The following PCNT variants were observed in gnomAD, a reference collection of about 807,000 sequenced individuals.
PCNT encodes kendrin.
In PCNT, 319 loss-of-function variants were observed where a neutral mutation model predicts 380.4. The ratio of observed to expected loss-of-function variants is 0.84; its 90% CI spans 0.77 to 0.92. The LOEUF (loss-of-function observed/expected upper bound fraction) is 0.92. PCNT is among the 40% of genes least tolerant of loss of function. The pLI, the probability that PCNT is intolerant of heterozygous loss-of-function variation, is 0.00. For missense variants in PCNT, 4,400 were observed against 4,255.3 expected, an observed-to-expected ratio of 1.03 and a Z score of -0.95; for synonymous variants, 1,845 against 1,735.2, an observed-to-expected ratio of 1.06 and a Z score of -1.57.
Position 46,432,235 on chromosome 21 carries a change from G to A in PCNT, c.8751+20G>A, listed in dbSNP as rs775462316. 13 of 1,593,020 alleles carry A rather than the reference G, an allele frequency of 8.2e-6. No individual in the cohort carries two copies. In the South Asian group the frequency reaches 1.0e-4, roughly 12 times the overall value. ...AAGCTGGTGAGAGCCGCCTGCCGGC[G>A]GAGCGTCCACACCTAAAAACGATAA... On this transcript the variant is annotated intron_variant, in intron 38 of 46. Coordinates refer to ENST00000359568, the MANE Select transcript of PCNT (RefSeq NM_006031.6).
intron 15 of PCNT, among the ~76,000 whole-genome samples, chr21:46,380,187 A>G (rs1454753870): frequency 4.6e-5 from 4 of 86,418 alleles, no homozygotes; most frequent in Admixed American, 2.0e-4. Flanking sequence ...TTTTTTTGAG[A>G]CAGAGTCTCT....
intron 27 of PCNT, among the ~76,000 whole-genome samples, chr21:46,410,116 C>A (rs890746385): frequency 1.3e-5 from 2 of 152,256 alleles, no homozygotes; most frequent in Admixed American, 1.3e-4. Context: ...GAGACAACGG[C>A]CGGTGCCGCA....
chr21:46,430,741 T>C (rs1192320965), intron 37 of PCNT, 84 bp downstream of exon 37: 2 of 1,528,080 alleles, frequency 1.3e-6, no homozygotes, highest in African/African-American at 2.8e-5. Context: ...ATCCTTCTTT[T>C]CCTGTTCTTC....
chr21:46,412,208 T>C, intron 28 of PCNT, 141 bp downstream of exon 28: 6 of 1,001,478 alleles, frequency 6.0e-6, no homozygotes, highest in Non-Finnish European at 7.3e-6. Context: ...AAAGGGGGCC[T>C]GAAGCTCGGG....
Position 46,432,118 on chromosome 21 carries a change from A to G in PCNT, c.8654A>G (p.Gln2885Arg), listed in dbSNP as rs548704905. 36 of 1,614,110 alleles carry G rather than the reference A, an allele frequency of 2.2e-5. No homozygotes were observed. The South Asian group carries it at 3.7e-4, about 17-fold the overall frequency. The stretch of plus-strand genomic sequence containing the variant: ...CAGTCACACCCACGGTTGAAAGAGC[A>G]AGAAGGACGCAAGGCTGCGAGGAGG... ...LEQSHPRLKE[Q>R]EGRKAARRSA... The change falls in exon 38 of 47, where the codon CAA becomes CGA. Residue 2885 changes from glutamine to arginine, a missense_variant. Transcript: ENST00000359568.
chr21:46,381,192 ATCTCTGTGTG>A lies in PCNT; in HGVS notation c.3166-500_3166-491del, dbSNP rs1478469295. Among the ~76,000 whole-genome samples the A allele has an allele frequency of 4.4e-4, 34 of 77,320 alleles. 1 individual carries two copies. The Admixed American group carries it at 4.9e-3, about 11-fold the overall frequency. The allele number at this position is 77,320 out of a possible 152,430, so 50.7% of individuals were successfully genotyped here. ...GTCCTTCCAAAAAAAAAAAAAAAAA[ATCTCTGTGTG>A]TGTGTGTGTGTGTGTGTGTGTGTGT... On this transcript the variant is annotated intron_variant, in intron 15 of 46. Transcript: ENST00000359568.
intron 44 of PCNT, chr21:46,443,181 C>T (rs751087931): frequency 2.2e-4 from 35 of 162,052 alleles, no homozygotes; most frequent in Non-Finnish European, 4.2e-4. Flanking sequence ...GGCACCATGA[C>T]TCGGCATTCC....
rs368389898 is a variant in PCNT at position 46,389,245 on chromosome 21, G to A, written c.3654G>A (p.Leu1218=). The change falls in exon 19 of 47, where the codon TTG becomes TTA. Residue 1218 remains leucine, a synonymous_variant. Coordinates refer to ENST00000359568, the MANE Select transcript of PCNT (RefSeq NM_006031.6). The part of the protein sequence containing the change: ...ETWSDVALPE[L]DRTLSECAEM... The stretch of plus-strand genomic sequence containing the variant: ...GGTCTGATGTGGCCCTCCCGGAGTT[G>A]GACAGAACTTTGTCTGAATGTGCAG... 211 of 1,614,110 alleles carry A rather than the reference G, an allele frequency of 1.3e-4. No individual in the cohort carries two copies. Among genetic ancestry groups the A allele is most frequent in the Non-Finnish European group, 1.7e-4 (204 of 1,180,046 alleles).
chr21:46,352,980 C>T (rs541352770), intron 9 of PCNT, 124 bp from the exon 10 acceptor site: 220 of 771,406 alleles, frequency 2.9e-4, no homozygotes, highest in Non-Finnish European at 3.9e-4. Flanking sequence ...CATCCCTCTC[C>T]GGTTCTGGGA....
chr21:46,379,848 C>T (rs190442879), intron 15 of PCNT, among the ~76,000 whole-genome samples: 14 of 152,292 alleles, frequency 9.2e-5, no homozygotes, highest in African/African-American at 1.9e-4. Context: ...CTCTGGCGGG[C>T]GGTGGACAGC....
chr21:46,359,506 T>TGTTTTTTTTGTTGTTTTG, intron 13 of PCNT, among the ~76,000 whole-genome samples: 1 of 126,232 alleles, frequency 7.9e-6, no homozygotes, highest in Non-Finnish European at 1.8e-5. Context: ...TTTTTTTTTT[T>TGTTTTTTTTGTTGTTTTG]TGAGACAGTG....
chr21:46,435,468 C>T (rs1398573890), intron 38 of PCNT, among the ~76,000 whole-genome samples: 5 of 151,798 alleles, frequency 3.3e-5, no homozygotes, highest in South Asian at 2.1e-4. Context: ...TCAGGTGATC[C>T]GCTTGCTGCA....
At chr21:46,438,484 G>C in intron 41 of PCNT, 147 bp downstream of exon 41, 6 of 711,110 alleles carry the variant, frequency 8.4e-6, no homozygotes, top group South Asian at 8.0e-5. Context: ...TGTTGCCTCT[G>C]TCTGAAGCCT....
At chr21:46,326,834 A>G (rs1255033478) in intron 2 of PCNT, among the ~76,000 whole-genome samples, 2 of 151,936 alleles carry the variant, frequency 1.3e-5, no homozygotes, top group Non-Finnish European at 2.9e-5. Flanking sequence ...GCCAACATGG[A>G]GAAACCCTGT....
At chr21:46,341,412 A>C (rs544587513) in intron 3 of PCNT, among the ~76,000 whole-genome samples, 39 of 152,056 alleles carry the variant, frequency 2.6e-4, no homozygotes, top group African/African-American at 9.2e-4. Flanking sequence ...GAGTCCCTTC[A>C]AGTTCAGTGC....
intron 8 of PCNT, among the ~76,000 whole-genome samples, chr21:46,350,872 G>A (rs2084241629): frequency 6.6e-6 from 1 of 152,166 alleles, no homozygotes; most frequent in Non-Finnish European, 1.5e-5. Flanking sequence ...TCCATGAGGA[G>A]GACAGGCCAG....
At chr21:46,324,884 C>T (rs902017400) in intron 1 of PCNT, 1 of 985,466 alleles carries the variant, frequency 1.0e-6, no homozygotes, top group African/African-American at 1.7e-5. Flanking sequence ...GCGCGTTTCT[C>T]GCGGCGTTGC....
chr21:46,361,789 TGAG>T (rs145448420), intron 13 of PCNT, among the ~76,000 whole-genome samples: 4 of 152,346 alleles, frequency 2.6e-5, no homozygotes, highest in South Asian at 2.1e-4. Flanking sequence ...CCTTGATTCT[TGAG>T]GAGTATTTTT....
At chr21:46,399,379 C>A (rs2086342006) in intron 24 of PCNT, among the ~76,000 whole-genome samples, 1 of 21,564 alleles carries the variant, frequency 4.6e-5, no homozygotes, top group East Asian at 1.1e-3. Context: ...GGGTCTGGGT[C>A]TCTCTGTGCA....
Sources: gnomAD v4.1 joint callset for allele counts (sites outside exome capture counted in the v4.1 genomes callset) on GRCh38, gnomAD v4.1.1 for gene constraint, MANE v1.5 for transcripts, NCBI Gene and HGNC (gene_info 2026-07-23, HGNC 2026-07-21) for gene names.